Variants in CNTN5 observed in about 807,000 individuals in gnomAD.
CNTN5 encodes the protein contactin-5.
In CNTN5, 77 loss-of-function variants were observed where a neutral mutation model predicts 129.1. That is an observed-to-expected ratio of 0.60 (90% confidence interval 0.50 to 0.72). The LOEUF is 0.72. Among genes scored for constraint, CNTN5 ranks in the 30% least tolerant of loss-of-function variants. The pLI, the probability that CNTN5 is intolerant of heterozygous loss-of-function variation, is 0.00. For missense variants in CNTN5, 1,478 were observed against 1,328.8 expected, an observed-to-expected ratio of 1.11 and a Z score of -1.75; for synonymous variants, 509 against 465.6, an observed-to-expected ratio of 1.09 and a Z score of -1.20.
At chr11:100,037,537 G>A (rs1463720445) in intron 9 of CNTN5, among the ~76,000 whole-genome samples, 1 of 152,078 alleles carries the variant, frequency 6.6e-6, no homozygotes, top group Non-Finnish European at 1.5e-5. Context: ...AGTTTCAGAA[G>A]GAATGGTACC....
chr11:99,189,646 T>C (rs192240197), intron 1 of CNTN5, among the ~76,000 whole-genome samples: 2 of 151,840 alleles, frequency 1.3e-5, no homozygotes, highest in Admixed American at 6.6e-5. Flanking sequence ...ATTTCTATGA[T>C]GATTAGTTAT....
chr11:99,927,705 C>T (rs1234531949), intron 7 of CNTN5, among the ~76,000 whole-genome samples: 1 of 152,124 alleles, frequency 6.6e-6, no homozygotes, highest in Non-Finnish European at 1.5e-5. Flanking sequence ...AGGTCCCTCC[C>T]ACAACATGTG....
intron 13 of CNTN5, among the ~76,000 whole-genome samples, chr11:100,143,620 A>C (rs1292839311): frequency 6.6e-6 from 1 of 152,178 alleles, no homozygotes; most frequent in African/African-American, 2.4e-5. Flanking sequence ...AGGGGAGGGC[A>C]ATGTTTATGA....
chr11:100,233,643 T>C (rs1347374792), intron 16 of CNTN5, among the ~76,000 whole-genome samples: 1 of 152,106 alleles, frequency 6.6e-6, no homozygotes, highest in Non-Finnish European at 1.5e-5. Flanking sequence ...TGATGGCCCA[T>C]ATCTTGCCAT....
intron 2 of CNTN5, among the ~76,000 whole-genome samples, chr11:99,445,376 G>T (rs1179911994): frequency 6.6e-6 from 1 of 151,858 alleles, no homozygotes; most frequent in East Asian, 1.9e-4. Context: ...AGCATTTATG[G>T]TGCCTGAATA....
chr11:99,115,429 C>T (rs1228986137), intron 1 of CNTN5, among the ~76,000 whole-genome samples: 1 of 151,952 alleles, frequency 6.6e-6, no homozygotes, highest in Non-Finnish European at 1.5e-5. Context: ...AATTAGAAAT[C>T]AGTGTTGACA....
chr11:100,147,610 AT>A (rs913646116), intron 13 of CNTN5, among the ~76,000 whole-genome samples: 1 of 151,750 alleles, frequency 6.6e-6, no homozygotes, highest in African/African-American at 2.4e-5. Context: ...GGAGCCTTAT[AT>A]TTTTTTGTCA....
intron 3 of CNTN5, among the ~76,000 whole-genome samples, chr11:99,815,395 T>C (rs1465587123): frequency 6.6e-6 from 1 of 151,846 alleles, no homozygotes; most frequent in Non-Finnish European, 1.5e-5. Flanking sequence ...GGATATGTCA[T>C]AGAAAAGGGC....
intron 9 of CNTN5, among the ~76,000 whole-genome samples, chr11:100,017,839 A>T (rs1390909177): frequency 1.4e-5 from 1 of 72,028 alleles, no homozygotes; most frequent in Non-Finnish European, 2.9e-5. Flanking sequence ...AGTCCAGGAG[A>T]ATCCCTCTGC....
At chr11:99,242,391 A>C (rs1861604782) in intron 1 of CNTN5, among the ~76,000 whole-genome samples, 1 of 152,304 alleles carries the variant, frequency 6.6e-6, no homozygotes, top group South Asian at 2.1e-4. Flanking sequence ...AAGTATTTAC[A>C]TTAAGACAAC....
intron 18 of CNTN5, among the ~76,000 whole-genome samples, chr11:100,286,722 G>C (rs1468956675): frequency 1.3e-5 from 2 of 149,752 alleles, no homozygotes; most frequent in African/African-American, 5.0e-5. Context: ...AAGGAACGCA[G>C]TTCCTCACCA....
chr11:99,623,575 G>C (rs538251461), intron 3 of CNTN5, among the ~76,000 whole-genome samples: 23 of 151,928 alleles, frequency 1.5e-4, no homozygotes, highest in South Asian at 2.1e-4. Flanking sequence ...CTGTGACAAA[G>C]AAAATGAAGA....
chr11:99,055,394 T>A lies in CNTN5; in HGVS notation c.-210+34124T>A, dbSNP rs528318179. ...CCTCTAAACAAGAAAGAGATTTCTCTAATGTCAATGACCAACTCAATATAA... is the reference window on the plus strand; with the variant it reads ...CCTCTAAACAAGAAAGAGATTTCTCAAATGTCAATGACCAACTCAATATAA... On this transcript the variant is annotated intron_variant, in intron 1 of 24. Transcript: ENST00000524871. Among the ~76,000 whole-genome samples the A allele has an allele frequency of 2.0e-5, 3 of 152,208 alleles. No individual in the cohort carries two copies. In the East Asian group the frequency reaches 5.8e-4, roughly 29 times the overall value.
intron 1 of CNTN5, among the ~76,000 whole-genome samples, chr11:99,092,829 T>C (rs1191704781): frequency 6.6e-6 from 1 of 152,078 alleles, no homozygotes; most frequent in East Asian, 1.9e-4. Context: ...ATTGTAGCTA[T>C]ATCTGGGTGG....
chr11:100,290,671 C>T (rs1452741959), intron 18 of CNTN5, among the ~76,000 whole-genome samples: 1 of 148,460 alleles, frequency 6.7e-6, no homozygotes, highest in Non-Finnish European at 1.5e-5. Context: ...AAAACCTAGG[C>T]ATTACCATTC....
intron 3 of CNTN5, among the ~76,000 whole-genome samples, chr11:99,560,823 T>A (rs1287886904): frequency 6.6e-6 from 1 of 152,080 alleles, no homozygotes; most frequent in East Asian, 1.9e-4. Context: ...TCACTGTTGG[T>A]GTGGGAGATT....
At chr11:99,828,773 A>G (rs149385192) in intron 4 of CNTN5, among the ~76,000 whole-genome samples, 1 of 152,292 alleles carries the variant, frequency 6.6e-6, no homozygotes, top group Non-Finnish European at 1.5e-5. Context: ...AAAATCATGT[A>G]TCTTTATCTT....
At chr11:100,319,919 C>T (rs72987660) in intron 21 of CNTN5, among the ~76,000 whole-genome samples, 8,094 of 152,192 alleles carry the variant, frequency 0.053, 314 homozygotes, top group Middle Eastern at 0.11. Context: ...AATAGAATTT[C>T]GCTGTGTCTA....
intron 2 of CNTN5, among the ~76,000 whole-genome samples, chr11:99,388,143 CG>C (rs1285196913): frequency 2.6e-5 from 4 of 151,860 alleles, no homozygotes; most frequent in Non-Finnish European, 5.9e-5. Flanking sequence ...TGGCTGGACG[CG>C]GGGGCTCAAA....
Sources: allele counts gnomAD v4.1 joint callset (sites outside exome capture counted in the v4.1 genomes callset), GRCh38; gene constraint gnomAD v4.1.1; transcripts MANE v1.5; gene names NCBI Gene and HGNC (gene_info 2026-07-23, HGNC 2026-07-21).